Variants in ERBB4 observed in about 807,000 individuals in gnomAD.
The protein encoded by ERBB4 is erb-b2 receptor tyrosine kinase 4.
Under a neutral mutation model 158.0 loss-of-function variants are expected in ERBB4, and 42 were observed. The observed-to-expected ratio is 0.27, with a 90% CI of 0.21 to 0.34. The LOEUF (loss-of-function observed/expected upper bound fraction) is 0.34. Ranked by LOEUF, ERBB4 falls within the 10% of genes least tolerant of loss-of-function variation. ERBB4 has a pLI of 1.00. For missense variants in ERBB4, 1,333 were observed against 1,624.1 expected, an observed-to-expected ratio of 0.82 and a Z score of 3.08; for synonymous variants, 583 against 558.7, an observed-to-expected ratio of 1.04 and a Z score of -0.61.
chr2:211,718,865 T>C (rs916088770), intron 7 of ERBB4, among the ~76,000 whole-genome samples: 4 of 152,212 alleles, frequency 2.6e-5, no homozygotes, highest in Admixed American at 1.3e-4. Flanking sequence ...AGGCTTTTAG[T>C]GTCCATCTAT....
intron 4 of ERBB4, among the ~76,000 whole-genome samples, chr2:211,771,520 T>C (rs79760318): frequency 0.017 from 2,575 of 152,304 alleles, 63 homozygotes; most frequent in African/African-American, 0.059. Flanking sequence ...AAATAAAATC[T>C]ACTCATTAGT....
intron 3 of ERBB4, among the ~76,000 whole-genome samples, chr2:211,898,525 A>T (rs1179643194): frequency 6.6e-6 from 1 of 152,162 alleles, no homozygotes; most frequent in Admixed American, 6.6e-5. Context: ...AATTCTAAAA[A>T]CTATTTGACG....
intron 1 of ERBB4, among the ~76,000 whole-genome samples, chr2:212,195,753 A>G (rs909185121): frequency 7.2e-5 from 11 of 152,130 alleles, no homozygotes; most frequent in African/African-American, 2.4e-4. Context: ...TTAAAAGCAT[A>G]TTTCAAAGAA....
chr2:211,789,397 G>A (rs982902476), intron 3 of ERBB4, among the ~76,000 whole-genome samples: 3 of 152,062 alleles, frequency 2.0e-5, no homozygotes, highest in Non-Finnish European at 4.4e-5. Context: ...TTCATTTCAG[G>A]CACAAGATGG....
chr2:211,566,607 A>G (rs749184775), intron 19 of ERBB4, among the ~76,000 whole-genome samples: 2 of 152,186 alleles, frequency 1.3e-5, no homozygotes, highest in South Asian at 2.1e-4. Context: ...ATGATCTATT[A>G]TTACCTATTA....
At chr2:211,750,736 C>A (rs1398498775) in intron 4 of ERBB4, 32 bp from the exon 5 acceptor site, 4 of 1,584,838 alleles carry the variant, frequency 2.5e-6, no homozygotes, top group Non-Finnish European at 3.5e-6. Context: ...AAAGGACATG[C>A]ACGTTATAAT....
chr2:212,463,248 G>T (rs936684391), intron 1 of ERBB4, among the ~76,000 whole-genome samples: 49 of 152,104 alleles, frequency 3.2e-4, no homozygotes, highest in African/African-American at 1.2e-3. Flanking sequence ...TAAATGAGAG[G>T]ATTTTGAATT....
At position 211,593,666 on chromosome 2, in the gene ERBB4, C is replaced by T. The variant is rs76101366; in HGVS notation, c.2301+25511G>A. Among the ~76,000 whole-genome samples, 1,163 of 152,292 alleles carry T rather than the reference C, an allele frequency of 7.6e-3. 14 individuals carry two copies. The highest frequency in any genetic ancestry group is 0.026 in the African/African-American group (1,064 of 41,556). ...TTGTATCTGTTGTCACACAAAGATACTCTAGCACCTTTCCCCTAATTACAT... is the reference window on the plus strand; with the variant it reads ...TTGTATCTGTTGTCACACAAAGATATTCTAGCACCTTTCCCCTAATTACAT... On this transcript the variant is annotated intron_variant, in intron 19 of 27. Coordinates refer to ENST00000342788, the MANE Select transcript of ERBB4 (RefSeq NM_005235.3).
chr2:212,035,105 T>C lies in ERBB4; in HGVS notation c.235-87489A>G, dbSNP rs185819562. Among the ~76,000 whole-genome samples the C allele has an allele frequency of 1.5e-4, 23 of 152,270 alleles. No homozygotes were observed. The East Asian group carries it at 3.5e-3, about 23-fold the overall frequency. On this transcript the variant is annotated intron_variant, in intron 2 of 27. Coordinates refer to ENST00000342788, the MANE Select transcript of ERBB4 (RefSeq NM_005235.3). Reference sequence around the variant, plus strand: ...AACAGAGAACATAAATCAATGCAATTCTCCTCTTTGAGAAACACTATTAAA... The same window carrying C: ...AACAGAGAACATAAATCAATGCAATCCTCCTCTTTGAGAAACACTATTAAA...
At chr2:211,828,776 C>T (rs927107814) in intron 3 of ERBB4, among the ~76,000 whole-genome samples, 2 of 152,108 alleles carry the variant, frequency 1.3e-5, no homozygotes, top group Non-Finnish European at 2.9e-5. Flanking sequence ...TCTGGACTTA[C>T]TTCTCACCAC....
chr2:211,693,586 A>G (rs550904988), intron 12 of ERBB4, among the ~76,000 whole-genome samples: 2 of 152,216 alleles, frequency 1.3e-5, no homozygotes, highest in East Asian at 3.9e-4. Context: ...ACGATGGGGG[A>G]ATAATATGGG....
At chr2:211,731,779 C>T (rs2074433608) in intron 5 of ERBB4, among the ~76,000 whole-genome samples, 1 of 152,090 alleles carries the variant, frequency 6.6e-6, no homozygotes, top group Admixed American at 6.6e-5. Flanking sequence ...AGCTCACAGA[C>T]CATCCAAGAA....
At chr2:211,583,225 C>A (rs1436981360) in intron 19 of ERBB4, among the ~76,000 whole-genome samples, 1 of 151,900 alleles carries the variant, frequency 6.6e-6, no homozygotes, top group Non-Finnish European at 1.5e-5. Flanking sequence ...TACTATGTAT[C>A]CAGCCATATT....
At chr2:212,295,019 T>G (rs890232352) in intron 1 of ERBB4, among the ~76,000 whole-genome samples, 5 of 152,154 alleles carry the variant, frequency 3.3e-5, no homozygotes, top group Non-Finnish European at 7.4e-5. Flanking sequence ...TGAGGCAGCA[T>G]AGGGAGAACC....
intron 19 of ERBB4, among the ~76,000 whole-genome samples, chr2:211,575,406 T>A (rs988362509): frequency 3.9e-5 from 6 of 152,252 alleles, no homozygotes; most frequent in African/African-American, 7.2e-5. Flanking sequence ...CTCATGTCTT[T>A]ATTCTCAGTT....
chr2:211,673,292 C>G, intron 13 of ERBB4, 35 bp from the exon 14 acceptor site: 1 of 1,458,608 alleles, frequency 6.9e-7, no homozygotes, highest in Non-Finnish European at 9.6e-7. Context: ...GAGGTGTAAG[C>G]AAACAAGCGT....
chr2:212,051,787 C>A (rs555678845), intron 2 of ERBB4, among the ~76,000 whole-genome samples: 3 of 152,014 alleles, frequency 2.0e-5, no homozygotes, highest in African/African-American at 7.2e-5. Context: ...TTATAATAGT[C>A]TAAATTTTAT....
At chr2:211,575,093 G>A (rs1256451554) in intron 19 of ERBB4, among the ~76,000 whole-genome samples, 1 of 152,152 alleles carries the variant, frequency 6.6e-6, no homozygotes, top group Non-Finnish European at 1.5e-5. Flanking sequence ...GCCAAGCTGA[G>A]ATTTGAATCC....
chr2:212,300,805 C>T (rs1221916595), intron 1 of ERBB4, among the ~76,000 whole-genome samples: 1 of 151,388 alleles, frequency 6.6e-6, no homozygotes, highest in Non-Finnish European at 1.5e-5. Flanking sequence ...CTTGCGTAAA[C>T]GTATCCCTTT....
Sources: allele counts gnomAD v4.1 joint callset (sites outside exome capture counted in the v4.1 genomes callset), GRCh38; gene constraint gnomAD v4.1.1; transcripts MANE v1.5; gene names NCBI Gene and HGNC (gene_info 2026-07-23, HGNC 2026-07-21).